The following CELF2 variants were observed in gnomAD, a reference collection of about 807,000 sequenced individuals.
CELF2 encodes CUGBP Elav-like family member 2.
In CELF2, 8 loss-of-function variants were observed where a neutral mutation model predicts 62.6. The ratio of observed to expected loss-of-function variants is 0.13; its 90% CI spans 0.07 to 0.23. The LOEUF (loss-of-function observed/expected upper bound fraction) is 0.23. Among genes scored for constraint, CELF2 ranks in the 10% least tolerant of loss-of-function variants. The probability of loss-of-function intolerance (pLI) is 1.00; values close to 1 mark genes in which losing one functional copy is unlikely to be tolerated. For missense variants in CELF2, 333 were observed against 671.0 expected (o/e 0.50, Z 5.56); for synonymous variants, 258 against 250.0 (o/e 1.03, Z -0.30).
intron 4 of CELF2, among the ~76,000 whole-genome samples, chr10:11,249,636 G>T (rs1254047351): frequency 6.6e-6 from 1 of 152,200 alleles, no homozygotes; most frequent in East Asian, 1.9e-4. Flanking sequence ...CCTTTTGCAT[G>T]TGTTTCTTTT....
chr10:10,526,263 GA>G, the CELF2 span, among the ~76,000 whole-genome samples: 314 of 152,268 alleles, frequency 2.1e-3, 1 homozygote, highest in African/African-American at 7.3e-3. Flanking sequence ...GCTGTCACAT[GA>G]AAAACAATGT....
chr10:11,133,957 T>A (rs920438792), intron 1 of CELF2, among the ~76,000 whole-genome samples: 5 of 152,096 alleles, frequency 3.3e-5, no homozygotes, highest in African/African-American at 1.2e-4. Context: ...TTTGGTTGTA[T>A]TTTTTTACAG....
intron 8 of CELF2, among the ~76,000 whole-genome samples, chr10:11,283,558 GGAT>G (rs1196301705): frequency 1.3e-5 from 2 of 151,800 alleles, no homozygotes; most frequent in Non-Finnish European, 2.9e-5. Context: ...ATAGATGGGT[GGAT>G]GATGGGTGGG....
rs193281723 is a variant in CELF2 at position 10,889,296 on chromosome 10, A to G, written c.54-30668A>G. Among the ~76,000 whole-genome samples, 771 of 152,342 alleles carry G rather than the reference A, an allele frequency of 5.1e-3. 20 individuals carry two copies. The highest frequency in any genetic ancestry group is 6.8e-3 in the Middle Eastern group (2 of 294). On this transcript the variant is annotated intron_variant, in intron 1 of 13. Coordinates refer to the CELF2 transcript ENST00000636488. ...AGCCATTTCGCAGGGGTTAATCTAC[A>G]TGTAATGAAGTTTCAAATAAAATCA...
At chr10:10,560,650 C>T in the CELF2 span, among the ~76,000 whole-genome samples, 1 of 152,128 alleles carries the variant, frequency 6.6e-6, no homozygotes. Context: ...CCATTTGATC[C>T]ACCAATCTCA....
Position 11,316,153 on chromosome 10 carries a change from C to T in CELF2, c.1096+1895C>T, listed in dbSNP as rs367910403. 2.6e-5 allele frequency among the ~76,000 whole-genome samples: 4 copies of T among 152,214 alleles called. No individual in the cohort carries two copies. The East Asian group carries it at 7.7e-4, about 29-fold the overall frequency. On this transcript the variant is annotated intron_variant, in intron 10 of 12. Coordinates refer to ENST00000633077, the MANE Select transcript of CELF2 (RefSeq NM_001326342.2). This position sits in a 1 kb window ranked among gnomAD's most constrained non-coding sequence, Gnocchi z 4.4. ...CTTGTGTGGGGTCTTGTGTGATACA[C>T]ATTTTGCTTCTGGCAAGGACAACAG...
chr10:10,560,484 C>G, the CELF2 span, among the ~76,000 whole-genome samples: 1 of 152,108 alleles, frequency 6.6e-6, no homozygotes, highest in African/African-American at 2.4e-5. Flanking sequence ...ATTCTCAGAT[C>G]CATCCTACCC....
intron 8 of CELF2, among the ~76,000 whole-genome samples, chr10:11,284,196 G>A (rs2090224290): frequency 8.1e-6 from 1 of 122,756 alleles, no homozygotes; most frequent in South Asian, 3.2e-4. Context: ...AGTGCGTGGT[G>A]GGTGGGTGAG....
the CELF2 span, among the ~76,000 whole-genome samples, chr10:10,662,722 C>T: frequency 6.6e-6 from 1 of 152,058 alleles, no homozygotes; most frequent in Admixed American, 6.5e-5. Flanking sequence ...AACAAACCAG[C>T]AATGGTGGAG....
the CELF2 span, among the ~76,000 whole-genome samples, chr10:10,761,905 C>CGTGTGTGT: frequency 6.8e-3 from 879 of 128,952 alleles, 12 homozygotes; most frequent in African/African-American, 0.018. Flanking sequence ...TATAATAAAC[C>CGTGTGTGT]GTGTGTGTGT....
chr10:10,887,961 C>T (rs373672246), intron 1 of CELF2, among the ~76,000 whole-genome samples: 5 of 152,132 alleles, frequency 3.3e-5, no homozygotes, highest in African/African-American at 1.2e-4. Flanking sequence ...TTAGTAGAGA[C>T]GGGGTTTCAC....
intron 1 of CELF2, among the ~76,000 whole-genome samples, chr10:10,853,833 AG>A (rs929063004): frequency 2.0e-5 from 3 of 151,994 alleles, no homozygotes; most frequent in Non-Finnish European, 4.4e-5. Context: ...GCCACTAGAA[AG>A]GGGCAGAGGA....
At chr10:10,502,172 TA>T in the CELF2 span, among the ~76,000 whole-genome samples, 6 of 151,966 alleles carry the variant, frequency 3.9e-5, no homozygotes, top group African/African-American at 1.4e-4. Context: ...CGTGTTTTAT[TA>T]AGGATTTTCG....
the CELF2 span, among the ~76,000 whole-genome samples, chr10:10,506,999 G>A: frequency 4.8e-3 from 728 of 152,088 alleles, 6 homozygotes; most frequent in African/African-American, 0.017. Context: ...GTTCCACAGC[G>A]GAGATCCAGG....
chr10:10,859,947 GTGTT>G (rs1264883907), intron 1 of CELF2, among the ~76,000 whole-genome samples: 21 of 152,192 alleles, frequency 1.4e-4, no homozygotes, highest in Admixed American at 2.6e-4. Context: ...ATATCAAAGA[GTGTT>G]TGTTTGTATG....
At chr10:10,618,824 A>G in the CELF2 span, among the ~76,000 whole-genome samples, 1 of 152,150 alleles carries the variant, frequency 6.6e-6, no homozygotes, top group East Asian at 1.9e-4. Flanking sequence ...GCAGAGAGAG[A>G]GGGGGTTCCA....
At chr10:10,628,198 C>G in the CELF2 span, among the ~76,000 whole-genome samples, 3 of 152,156 alleles carry the variant, frequency 2.0e-5, no homozygotes, top group Admixed American at 2.0e-4. Context: ...GCCACCATGC[C>G]CAGCCCAGAT....
At chr10:10,836,887 G>T (rs1302711524) in intron 1 of CELF2, among the ~76,000 whole-genome samples, 12 of 152,170 alleles carry the variant, frequency 7.9e-5, no homozygotes, top group Non-Finnish European at 1.6e-4. Context: ...TGCCTGCCTT[G>T]TCCTCTCAAA....
rs915063260 is a variant in CELF2, at chr10:10,936,690, G to A, written c.89+16691G>A. 2.0e-5 allele frequency: 3 copies of A among 152,162 alleles called. No individual in the cohort carries two copies. Among genetic ancestry groups the A allele is most frequent in the East Asian group, 1.9e-4 (1 of 5,200 alleles). 9.4% of individuals were successfully genotyped at this position (152,162 alleles called of 1,614,324 possible). A position where few individuals can be genotyped will look rare whatever the true frequency, so the allele number is the denominator to read the frequency against. On this transcript the variant is annotated intron_variant, in intron 2 of 13. Coordinates refer to the CELF2 transcript ENST00000636488. This position sits in a 1 kb window ranked among gnomAD's most constrained non-coding sequence, Gnocchi z 4.0. The stretch of plus-strand genomic sequence containing the variant: ...TGGGGACAAAATCTTCATTTCTAGC[G>A]TTTTCCACCATAACCTTGTTCTGGT...
Sources: allele counts gnomAD v4.1 joint callset (sites outside exome capture counted in the v4.1 genomes callset), GRCh38; gene constraint gnomAD v4.1.1; non-coding constraint Gnocchi (gnomAD v3.1); transcripts MANE v1.5; gene names NCBI Gene and HGNC (gene_info 2026-07-23, HGNC 2026-07-21).